Variants in CACNA2D3 observed in about 807,000 individuals in gnomAD.
CACNA2D3 encodes calcium voltage-gated channel auxiliary subunit alpha2delta 3, also known as voltage-dependent calcium channel subunit alpha-2/delta-3.
A neutral mutation model predicts 160.6 loss-of-function variants in CACNA2D3; 60 were observed. The observed-to-expected ratio is 0.37, with a 90% confidence interval of 0.30 to 0.46. The LOEUF is 0.46. CACNA2D3 is among the 20% of genes least tolerant of loss of function. CACNA2D3 has a pLI of 1.00. For missense variants in CACNA2D3, 1,205 were observed against 1,365.0 expected, an observed-to-expected ratio of 0.88 and a Z score of 1.85; for synonymous variants, 558 against 492.9, an observed-to-expected ratio of 1.13 and a Z score of -1.75.
At chr3:54,808,821 G>A (rs1467497626) in intron 13 of CACNA2D3, among the ~76,000 whole-genome samples, 1 of 152,110 alleles carries the variant, frequency 6.6e-6, no homozygotes, top group South Asian at 2.1e-4. Flanking sequence ...TCAGTGAGAG[G>A]GGTTCTGATA....
chr3:54,275,271 C>T (rs1267564237), intron 2 of CACNA2D3, among the ~76,000 whole-genome samples: 1 of 152,190 alleles, frequency 6.6e-6, no homozygotes, highest in Non-Finnish European at 1.5e-5. Context: ...GATAAGTCGT[C>T]TCATGCCTTC....
chr3:54,764,873 A>G lies in CACNA2D3; in HGVS notation c.1380+522A>G, dbSNP rs189806721. ...CTGGATTGTTGTTTGAACTCTGACCATGGGCCCATTCTAAAGCCGAATTCT... is the reference window on the plus strand; with the variant it reads ...CTGGATTGTTGTTTGAACTCTGACCGTGGGCCCATTCTAAAGCCGAATTCT... On this transcript the variant is annotated intron_variant, in intron 13 of 37. Coordinates refer to ENST00000474759, the MANE Select transcript of CACNA2D3 (RefSeq NM_018398.3). 1.8e-3 allele frequency among the ~76,000 whole-genome samples: 273 copies of G among 152,266 alleles called. 2 individuals carry two copies. Among genetic ancestry groups the G allele is most frequent in the African/African-American group, 5.9e-3 (246 of 41,576 alleles).
chr3:54,424,516 T>G (rs1699885007), intron 4 of CACNA2D3, among the ~76,000 whole-genome samples: 1 of 152,202 alleles, frequency 6.6e-6, no homozygotes, highest in Non-Finnish European at 1.5e-5. Context: ...CCTGAGCCTC[T>G]CTGAAGGAAG....
At chr3:54,220,442 A>C (rs1458090478) in intron 2 of CACNA2D3, among the ~76,000 whole-genome samples, 1 of 152,230 alleles carries the variant, frequency 6.6e-6, no homozygotes, top group Admixed American at 6.5e-5. Flanking sequence ...AAAGAATGAC[A>C]GATGATCAGC....
chr3:54,921,767 G>A (rs1296343416), intron 27 of CACNA2D3, among the ~76,000 whole-genome samples: 1 of 152,174 alleles, frequency 6.6e-6, no homozygotes, highest in African/African-American at 2.4e-5. Context: ...ATGACTGCAT[G>A]GAATGCAGAC....
At chr3:54,487,675 A>T (rs1701036950) in intron 4 of CACNA2D3, among the ~76,000 whole-genome samples, 1 of 152,246 alleles carries the variant, frequency 6.6e-6, no homozygotes, top group African/African-American at 2.4e-5. Context: ...CTTAGGAACA[A>T]TTTTAAACGC....
intron 27 of CACNA2D3, among the ~76,000 whole-genome samples, chr3:54,947,161 T>C (rs1456462527): frequency 3.9e-5 from 6 of 152,182 alleles, no homozygotes; most frequent in Non-Finnish European, 7.3e-5. Context: ...ATCATCATAA[T>C]CTTAAAGACT....
chr3:54,131,025 T>C (rs1699695287), intron 2 of CACNA2D3, among the ~76,000 whole-genome samples: 1 of 152,238 alleles, frequency 6.6e-6, no homozygotes, highest in African/African-American at 2.4e-5. Flanking sequence ...AAATAAAATA[T>C]GCAAAGCACT....
chr3:54,851,760 T>G (rs1699062646), intron 17 of CACNA2D3, among the ~76,000 whole-genome samples: 1 of 152,238 alleles, frequency 6.6e-6, no homozygotes, highest in Non-Finnish European at 1.5e-5. Flanking sequence ...TAAGAATATA[T>G]TTTATTATCC....
chr3:54,997,881 C>T (rs1284714346), intron 31 of CACNA2D3, among the ~76,000 whole-genome samples: 2 of 152,146 alleles, frequency 1.3e-5, no homozygotes, highest in African/African-American at 4.8e-5. Flanking sequence ...TTCGATGAGG[C>T]CTCATCAGAG....
intron 11 of CACNA2D3, among the ~76,000 whole-genome samples, chr3:54,671,786 A>G (rs1412026027): frequency 6.6e-6 from 1 of 152,158 alleles, no homozygotes; most frequent in Admixed American, 6.5e-5. Flanking sequence ...TGCTGCTTGC[A>G]AATTGGGAGG....
intron 4 of CACNA2D3, among the ~76,000 whole-genome samples, chr3:54,401,032 C>T (rs956084034): frequency 9.2e-5 from 14 of 151,838 alleles, no homozygotes; most frequent in Admixed American, 2.6e-4. Flanking sequence ...ATAATCTCAA[C>T]GGAGATAAAT....
At chr3:55,046,253 T>TC (rs1704080073) in intron 35 of CACNA2D3, among the ~76,000 whole-genome samples, 2 of 120,684 alleles carry the variant, frequency 1.7e-5, no homozygotes, top group African/African-American at 3.3e-5. Context: ...CCTCCCCCCG[T>TC]CCCCCACCCC....
intron 5 of CACNA2D3, 42 bp downstream of exon 5, chr3:54,503,696 CA>C: frequency 6.3e-7 from 1 of 1,582,972 alleles, no homozygotes; most frequent in South Asian, 1.1e-5. Context: ...GGTGAAGAAT[CA>C]GGGGGTTGAG....
At chr3:54,783,411 G>C (rs1702570704) in intron 13 of CACNA2D3, among the ~76,000 whole-genome samples, 1 of 152,062 alleles carries the variant, frequency 6.6e-6, no homozygotes, top group African/African-American at 2.4e-5. Context: ...TTCAAAACCA[G>C]CCTGGCCAAC....
At chr3:54,765,732 GAC>G (rs1300784979) in intron 13 of CACNA2D3, among the ~76,000 whole-genome samples, 2 of 152,064 alleles carry the variant, frequency 1.3e-5, no homozygotes, top group African/African-American at 4.8e-5. Context: ...AAAAATATAA[GAC>G]ACAGTTTCTA....
chr3:54,152,159 T>C (rs1700164061), intron 2 of CACNA2D3, among the ~76,000 whole-genome samples: 1 of 152,212 alleles, frequency 6.6e-6, no homozygotes, highest in Admixed American at 6.5e-5. Context: ...AGCTCCTTCC[T>C]AGAGGGCAGA....
At chr3:54,821,228 C>G (rs1703583697) in intron 14 of CACNA2D3, among the ~76,000 whole-genome samples, 1 of 152,156 alleles carries the variant, frequency 6.6e-6, no homozygotes, top group African/African-American at 2.4e-5. Context: ...TTCACAAAAC[C>G]ATAGTTAAAG....
At chr3:54,653,192 G>A (rs141878292) in intron 11 of CACNA2D3, among the ~76,000 whole-genome samples, 70 of 152,286 alleles carry the variant, frequency 4.6e-4, no homozygotes, top group East Asian at 2.7e-3. Context: ...TGCATGTACC[G>A]ATGGTATTAA....
Sources: gnomAD v4.1 joint callset for allele counts (sites outside exome capture counted in the v4.1 genomes callset) on GRCh38, gnomAD v4.1.1 for gene constraint, MANE v1.5 for transcripts, NCBI Gene and HGNC (gene_info 2026-07-23, HGNC 2026-07-21) for gene names.